Variants in GNB1 observed in about 807,000 individuals in gnomAD.
The protein encoded by GNB1 is G protein subunit beta 1, also known as guanine nucleotide-binding protein G(I)/G(S)/G(T) subunit beta-1.
GNB1 carries 2 observed loss-of-function variants against 42.9 expected under a neutral mutation model. The ratio of observed to expected loss-of-function variants is 0.05; its 90% CI spans 0.02 to 0.15. The LOEUF (loss-of-function observed/expected upper bound fraction) is 0.15. Ranked by LOEUF, GNB1 falls within the 10% of genes least tolerant of loss-of-function variation. The probability of loss-of-function intolerance (pLI) is 1.00; values close to 1 mark genes in which losing one functional copy is unlikely to be tolerated. For missense variants in GNB1, 193 were observed against 462.2 expected, an observed-to-expected ratio of 0.42 and a Z score of 5.34; for synonymous variants, 183 against 174.7, an observed-to-expected ratio of 1.05 and a Z score of -0.38.
chr1:1,835,775 T>G (rs1184366690), intron 2 of GNB1, among the ~76,000 whole-genome samples: 3 of 151,922 alleles, frequency 2.0e-5, no homozygotes, highest in Non-Finnish European at 4.4e-5. Context: ...GTGTTGAACA[T>G]TCCAAGAAAA....
intron 2 of GNB1, among the ~76,000 whole-genome samples, chr1:1,832,763 T>A (rs193009943): frequency 2.9e-4 from 44 of 152,128 alleles, no homozygotes; most frequent in African/African-American, 1.0e-3. Flanking sequence ...GGCTGCAAGT[T>A]TGCCAATGAC....
chr1:1,828,749 T>A (rs1045569304), intron 2 of GNB1, among the ~76,000 whole-genome samples: 26 of 152,254 alleles, frequency 1.7e-4, no homozygotes, highest in Non-Finnish European at 2.4e-4. Context: ...CAATTTTTTT[T>A]AAAAAGGCGT....
intron 1 of GNB1, among the ~76,000 whole-genome samples, chr1:1,878,528 G>A (rs1393528607): frequency 6.6e-6 from 1 of 152,046 alleles, no homozygotes; most frequent in Non-Finnish European, 1.5e-5. Context: ...TCAAATGTTT[G>A]GACCACCCTT....
In GNB1 at chr1:1,787,309, G is replaced by A; in HGVS notation, c.*9+13C>T. The A allele has an allele frequency of 7.5e-6, 10 of 1,341,440 alleles. No homozygotes were observed. Among genetic ancestry groups the A allele is most frequent in the Non-Finnish European group, 1.1e-5 (10 of 933,014 alleles). The allele number at this position is 1,341,440 out of a possible 1,614,324, so 83.1% of individuals were successfully genotyped here. A position where few individuals can be genotyped will look rare whatever the true frequency, so the allele number is the denominator to read the frequency against. On this transcript the variant is annotated intron_variant, in intron 11 of 11. Transcript: ENST00000378609. The surrounding 1 kb of genome is among the most constrained non-coding windows in gnomAD (Gnocchi z 4.4). ...GTTCTCCTCAGAGAAGGGCATTTGGGCTGCTGCATTACCTACTGGCGTTAG... is the reference window on the plus strand; with the variant it reads ...GTTCTCCTCAGAGAAGGGCATTTGGACTGCTGCATTACCTACTGGCGTTAG...
chr1:1,811,737 G>C (rs572905842), intron 5 of GNB1, among the ~76,000 whole-genome samples: 2 of 151,106 alleles, frequency 1.3e-5, no homozygotes, highest in Admixed American at 6.6e-5. Flanking sequence ...TACTGTTTCC[G>C]AGTGTCCATA....
At chr1:1,859,662 G>A (rs1466749791) in intron 1 of GNB1, among the ~76,000 whole-genome samples, 1 of 144,970 alleles carries the variant, frequency 6.9e-6, no homozygotes, top group Non-Finnish European at 1.5e-5. Flanking sequence ...TAAACTAAAG[G>A]AGAGAAAAGG....
intron 3 of GNB1, among the ~76,000 whole-genome samples, chr1:1,820,390 C>T (rs1440056009): frequency 4.3e-5 from 6 of 140,438 alleles, no homozygotes; most frequent in Non-Finnish European, 7.7e-5. Flanking sequence ...AGGAACTATA[C>T]TGAGATTATT....
chr1:1,845,824 TACACACAC>T (rs55953457), intron 1 of GNB1, among the ~76,000 whole-genome samples: 2,300 of 140,298 alleles, frequency 0.016, 30 homozygotes, highest in South Asian at 0.025. Flanking sequence ...TGTAAGTCCA[TACACACAC>T]ACACACACAC....
intron 5 of GNB1, 128 bp from the exon 6 acceptor site, chr1:1,806,666 A>G: frequency 1.8e-6 from 1 of 555,844 alleles, no homozygotes; most frequent in Non-Finnish European, 3.2e-6. Context: ...AGACAAAGCC[A>G]CTTATTTATA....
chr1:1,846,075 C>T (rs1055135975), intron 1 of GNB1, among the ~76,000 whole-genome samples: 4 of 152,026 alleles, frequency 2.6e-5, no homozygotes, highest in Non-Finnish European at 4.4e-5. Context: ...AAGAACATGT[C>T]AAAAACACAC....
intron 1 of GNB1, among the ~76,000 whole-genome samples, chr1:1,886,096 G>C (rs1192996919): frequency 6.6e-6 from 1 of 151,644 alleles, no homozygotes; most frequent in Non-Finnish European, 1.5e-5. Flanking sequence ...CAGATCACCG[G>C]AGGTCAGGAG....
At chr1:1,816,644 CT>C (rs59065707) in intron 4 of GNB1, among the ~76,000 whole-genome samples, 53,638 of 108,538 alleles carry the variant, frequency 0.49, 14,500 homozygotes, top group Admixed American at 0.63. Flanking sequence ...TTTTTATTAT[CT>C]TTTTTTTTTT....
chr1:1,843,414 A>G (rs965528078), intron 1 of GNB1, among the ~76,000 whole-genome samples: 11 of 151,988 alleles, frequency 7.2e-5, no homozygotes, highest in Admixed American at 2.0e-4. Flanking sequence ...ATTTGTAGAC[A>G]TGGGGTCTTG....
chr1:1,805,849 A>G (rs1474817694), intron 6 of GNB1, among the ~76,000 whole-genome samples: 6 of 152,178 alleles, frequency 3.9e-5, no homozygotes, highest in Admixed American at 1.3e-4. Context: ...GCCGAAAACA[A>G]AAGATTTTTA....
At chr1:1,890,324 C>T (rs1179071598) in intron 1 of GNB1, 1 of 151,822 alleles carries the variant, frequency 6.6e-6, no homozygotes, top group Non-Finnish European at 1.5e-5. Context: ...TTCCCCTTCC[C>T]CACGCTCGCG....
chr1:1,869,209 A>AAAG (rs1649115831), intron 1 of GNB1, among the ~76,000 whole-genome samples: 1 of 151,356 alleles, frequency 6.6e-6, no homozygotes, highest in South Asian at 2.1e-4. Flanking sequence ...AAAAAAAAAA[A>AAAG]AAGAATAAGT....
intron 9 of GNB1, among the ~76,000 whole-genome samples, chr1:1,789,576 C>T (rs997740970): frequency 1.2e-4 from 18 of 152,186 alleles, no homozygotes; most frequent in Middle Eastern, 3.4e-3. Flanking sequence ...CCTGTAATCC[C>T]AGCTACTCAA....
chr1:1,855,481 C>T (rs1007733449), intron 1 of GNB1, among the ~76,000 whole-genome samples: 3 of 152,034 alleles, frequency 2.0e-5, no homozygotes, highest in African/African-American at 2.4e-5. Flanking sequence ...GCGGGCGGAT[C>T]ACAAGGTCAG....
intron 4 of GNB1, 47 bp from the exon 5 acceptor site, chr1:1,815,909 A>G (rs746358852): frequency 8.8e-7 from 1 of 1,132,440 alleles, no homozygotes; most frequent in Non-Finnish European, 1.3e-6. Context: ...TGATTAAACG[A>G]TTCTCCTCAT....
Sources: gnomAD v4.1 joint callset for allele counts (sites outside exome capture counted in the v4.1 genomes callset) on GRCh38, gnomAD v4.1.1 for gene constraint, Gnocchi (gnomAD v3.1) non-coding constraint, MANE v1.5 for transcripts, NCBI Gene and HGNC (gene_info 2026-07-23, HGNC 2026-07-21) for gene names.